GPC5: variants seen among roughly 807,000 people sequenced by gnomAD.
The protein encoded by GPC5 is glypican-5.
In GPC5, 47 loss-of-function variants were observed where a neutral mutation model predicts 53.9. That is an observed-to-expected ratio of 0.87 (90% CI 0.69 to 1.11). The LOEUF (loss-of-function observed/expected upper bound fraction) is 1.11, where lower values mean the gene tolerates loss of function less well. Among genes scored for constraint, GPC5 ranks in the 50% most tolerant of loss-of-function variants. The probability of loss-of-function intolerance (pLI) is 0.00; values close to 1 mark genes in which losing one functional copy is unlikely to be tolerated. For synonymous variants in GPC5, 286 were observed against 263.3 expected (o/e 1.09, Z -0.84); for missense variants, 748 against 713.1 (o/e 1.05, Z -0.56).
intron 7 of GPC5, among the ~76,000 whole-genome samples, chr13:92,573,651 G>A (rs573865090): frequency 1.2e-4 from 18 of 152,086 alleles, no homozygotes; most frequent in Non-Finnish European, 2.5e-4. Flanking sequence ...GAGGGCTTCC[G>A]CTGGTTCAGG....
At chr13:92,794,389 T>C (rs1373923313) in intron 7 of GPC5, among the ~76,000 whole-genome samples, 1 of 152,110 alleles carries the variant, frequency 6.6e-6, no homozygotes, top group Non-Finnish European at 1.5e-5. Context: ...CATCTCAAAA[T>C]AATTAGAGCT....
At chr13:92,274,555 T>C (rs758248616) in intron 7 of GPC5, among the ~76,000 whole-genome samples, 8 of 152,144 alleles carry the variant, frequency 5.3e-5, no homozygotes, top group Non-Finnish European at 1.5e-5. Context: ...AACCTGTGGA[T>C]CAAGAGTCTA....
chr13:92,331,907 C>CA (rs1001158731), intron 7 of GPC5, among the ~76,000 whole-genome samples: 23 of 150,070 alleles, frequency 1.5e-4, no homozygotes, highest in South Asian at 4.2e-4. Flanking sequence ...AATTCAATAA[C>CA]AAAAAAAATA....
intron 5 of GPC5, among the ~76,000 whole-genome samples, chr13:91,876,892 G>T (rs2039208363): frequency 6.6e-6 from 1 of 152,142 alleles, no homozygotes; most frequent in Admixed American, 6.5e-5. Flanking sequence ...CATGGGCCAG[G>T]CCCAGGGTGC....
intron 7 of GPC5, among the ~76,000 whole-genome samples, chr13:92,760,613 C>G (rs2138736442): frequency 6.6e-6 from 1 of 150,850 alleles, no homozygotes; most frequent in Non-Finnish European, 1.5e-5. Context: ...ACCATCTGTT[C>G]TATTGATTTT....
rs539392972 is a variant in GPC5 at position 91,903,432 on chromosome 13, G to A, written c.1281-4505G>A. Reference sequence around the variant, plus strand: ...TAGAATATGGTTAGATTTAGCATACGTGGGAAATGGTGGTTTCCGTCAGTT... The same window carrying A: ...TAGAATATGGTTAGATTTAGCATACATGGGAAATGGTGGTTTCCGTCAGTT... On this transcript the variant is annotated intron_variant, in intron 5 of 7. Transcript: ENST00000377067. Among the ~76,000 whole-genome samples, 513 of 152,174 alleles carry A rather than the reference G, an allele frequency of 3.4e-3. 2 individuals carry two copies. Among genetic ancestry groups the A allele is most frequent in the African/African-American group, 0.012 (495 of 41,548 alleles).
At chr13:92,073,439 C>T (rs1352478378) in intron 6 of GPC5, among the ~76,000 whole-genome samples, 1 of 152,148 alleles carries the variant, frequency 6.6e-6, no homozygotes, top group Non-Finnish European at 1.5e-5. Flanking sequence ...AGGCATTAAT[C>T]AAGCATGGCT....
At chr13:92,531,517 A>C (rs1414454569) in intron 7 of GPC5, among the ~76,000 whole-genome samples, 1 of 152,114 alleles carries the variant, frequency 6.6e-6, no homozygotes, top group Non-Finnish European at 1.5e-5. Context: ...ATATATATGT[A>C]TACATATGCA....
intron 7 of GPC5, among the ~76,000 whole-genome samples, chr13:92,696,878 G>C (rs1887572629): frequency 6.6e-6 from 1 of 152,078 alleles, no homozygotes; most frequent in Non-Finnish European, 1.5e-5. Context: ...TTCTGTATGA[G>C]GCATAAGGAA....
intron 7 of GPC5, among the ~76,000 whole-genome samples, chr13:92,411,390 G>T (rs976827422): frequency 4.6e-5 from 7 of 152,200 alleles, no homozygotes; most frequent in Non-Finnish European, 8.8e-5. Flanking sequence ...ATTTGCAGAT[G>T]ATATTACTTG....
At chr13:92,712,274 A>C (rs185346054) in intron 7 of GPC5, among the ~76,000 whole-genome samples, 1 of 152,130 alleles carries the variant, frequency 6.6e-6, no homozygotes. Flanking sequence ...TTTTACTCCC[A>C]AAAATTTGAC....
intron 2 of GPC5, among the ~76,000 whole-genome samples, chr13:91,506,642 C>G (rs933571160): frequency 3.3e-5 from 5 of 151,916 alleles, no homozygotes; most frequent in Non-Finnish European, 7.4e-5. Flanking sequence ...TGAAAATACT[C>G]AAAATATCAG....
chr13:91,592,140 C>T (rs2032822333), intron 2 of GPC5, among the ~76,000 whole-genome samples: 2 of 152,296 alleles, frequency 1.3e-5, no homozygotes, highest in South Asian at 2.1e-4. Context: ...ATGGCCAAGA[C>T]TCTGTATAGG....
chr13:92,164,571 T>G (rs2042013665), intron 7 of GPC5, among the ~76,000 whole-genome samples: 1 of 152,198 alleles, frequency 6.6e-6, no homozygotes, highest in Non-Finnish European at 1.5e-5. Context: ...ATACAGGCCC[T>G]CCGTCCTGAC....
chr13:91,802,277 G>T (rs1294532532), intron 5 of GPC5, among the ~76,000 whole-genome samples: 1 of 151,926 alleles, frequency 6.6e-6, no homozygotes, highest in Non-Finnish European at 1.5e-5. Context: ...ACTGACTTCA[G>T]GAGTGCAGAC....
chr13:91,952,779 A>C (rs910771026), intron 6 of GPC5, among the ~76,000 whole-genome samples: 3 of 152,158 alleles, frequency 2.0e-5, no homozygotes, highest in Non-Finnish European at 4.4e-5. Context: ...AAGATACATT[A>C]GATAAATATA....
chr13:91,447,436 C>T (rs1880884842), intron 1 of GPC5, among the ~76,000 whole-genome samples: 5 of 151,604 alleles, frequency 3.3e-5, no homozygotes. Context: ...CCTACTGTGA[C>T]ACTTACGAAT....
chr13:91,417,305 A>T (rs1878306484), intron 1 of GPC5, among the ~76,000 whole-genome samples: 1 of 152,192 alleles, frequency 6.6e-6, no homozygotes, highest in African/African-American at 2.4e-5. Flanking sequence ...CAGCAGAAAA[A>T]GATTTAGAGA....
At chr13:91,741,508 G>A (rs1476592137) in intron 4 of GPC5, among the ~76,000 whole-genome samples, 1 of 151,866 alleles carries the variant, frequency 6.6e-6, no homozygotes, top group Admixed American at 6.6e-5. Flanking sequence ...ATTAAACGTG[G>A]GAAAAAATTT....
Sources: gnomAD v4.1 joint callset for allele counts (sites outside exome capture counted in the v4.1 genomes callset) on GRCh38, gnomAD v4.1.1 for gene constraint, MANE v1.5 for transcripts, NCBI Gene and HGNC (gene_info 2026-07-23, HGNC 2026-07-21) for gene names.